CRPPA: variants seen among roughly 807,000 people sequenced by gnomAD.
The protein encoded by CRPPA is D-ribitol-5-phosphate cytidylyltransferase.
In CRPPA, 43 loss-of-function variants were observed where a neutral mutation model predicts 52.0. The observed-to-expected ratio is 0.83, with a 90% CI of 0.65 to 1.07. CRPPA has a LOEUF of 1.07. CRPPA is among the 50% of genes least tolerant of loss of function. The probability of loss-of-function intolerance (pLI) is 0.00; values close to 1 mark genes in which losing one functional copy is unlikely to be tolerated. For synonymous variants in CRPPA, 250 were observed against 203.5 expected, an observed-to-expected ratio of 1.23 and a Z score of -1.94; for missense variants, 629 against 551.7, an observed-to-expected ratio of 1.14 and a Z score of -1.40.
intron 5 of CRPPA, among the ~76,000 whole-genome samples, chr7:16,295,503 G>C (rs1383759272): frequency 2.6e-5 from 4 of 151,948 alleles, no homozygotes; most frequent in Non-Finnish European, 5.9e-5. Flanking sequence ...GTTTGTACAA[G>C]TATAACCAAG....
intron 1 of CRPPA, among the ~76,000 whole-genome samples, chr7:16,418,362 G>C (rs1788244834): frequency 6.6e-6 from 1 of 152,176 alleles, no homozygotes; most frequent in Non-Finnish European, 1.5e-5. Context: ...AAAAGTAGAA[G>C]ACAAACGTTT....
intron 9 of CRPPA, among the ~76,000 whole-genome samples, chr7:16,212,339 CAGT>C (rs1782171955): frequency 6.6e-6 from 1 of 152,094 alleles, no homozygotes; most frequent in Admixed American, 6.6e-5. Context: ...AGTGAAATGA[CAGT>C]TTAGTGGGGA....
At chr7:16,345,785 C>G (rs578020343) in intron 3 of CRPPA, among the ~76,000 whole-genome samples, 3 of 152,218 alleles carry the variant, frequency 2.0e-5, no homozygotes, top group Non-Finnish European at 4.4e-5. Flanking sequence ...GTACAATTAT[C>G]TTTTTATACA....
At chr7:16,339,866 T>G (rs926436528) in intron 3 of CRPPA, among the ~76,000 whole-genome samples, 6 of 151,992 alleles carry the variant, frequency 3.9e-5, no homozygotes, top group Non-Finnish European at 8.8e-5. Context: ...TACTGTAAAG[T>G]TACAAAAATA....
chr7:16,208,502 G>C (rs1192315573), intron 9 of CRPPA, among the ~76,000 whole-genome samples: 12 of 152,048 alleles, frequency 7.9e-5, no homozygotes, highest in Admixed American at 7.9e-4. Flanking sequence ...ACTTCATAAA[G>C]ATCTTCTAAA....
At chr7:16,236,732 A>C (rs549023140) in intron 8 of CRPPA, among the ~76,000 whole-genome samples, 1 of 151,976 alleles carries the variant, frequency 6.6e-6, no homozygotes, top group Non-Finnish European at 1.5e-5. Flanking sequence ...TTCTGTTTTT[A>C]TTTTTCAGAA....
chr7:16,209,326 C>T (rs188952860), intron 9 of CRPPA: 69 of 156,536 alleles, frequency 4.4e-4, no homozygotes, highest in African/African-American at 1.7e-3. Flanking sequence ...GGCTGGAGGG[C>T]AGTGGCAATC....
chr7:16,292,475 G>T (rs530442717), intron 5 of CRPPA, among the ~76,000 whole-genome samples: 3 of 151,988 alleles, frequency 2.0e-5, no homozygotes, highest in African/African-American at 7.2e-5. Context: ...TAGCACAGAG[G>T]GAGGAAGAAT....
intron 6 of CRPPA, among the ~76,000 whole-genome samples, chr7:16,271,187 G>A (rs989501162): frequency 4.6e-5 from 7 of 152,098 alleles, no homozygotes; most frequent in African/African-American, 1.4e-4. Flanking sequence ...TACAGTCCCT[G>A]TTTGTTCAGA....
At chr7:16,389,928 A>AAAAAAAAAAAAAAAAAAAAAT in intron 2 of CRPPA, among the ~76,000 whole-genome samples, 3 of 29,762 alleles carry the variant, frequency 1.0e-4, no homozygotes, top group African/African-American at 3.5e-4. Context: ...AAAAAAAAAA[A>AAAAAAAAAAAAAAAAAAAAAT]ATATATATAT....
intron 9 of CRPPA, among the ~76,000 whole-genome samples, chr7:16,099,345 G>A (rs370746312): frequency 9.7e-5 from 14 of 144,086 alleles, no homozygotes; most frequent in East Asian, 4.3e-4. Context: ...GAAGGGACAG[G>A]AAGGGGAGGG....
At chr7:16,220,882 C>T (rs958278957) in intron 8 of CRPPA, among the ~76,000 whole-genome samples, 3 of 152,100 alleles carry the variant, frequency 2.0e-5, no homozygotes, top group African/African-American at 4.8e-5. Flanking sequence ...AGGTAATTTA[C>T]AGATTCAATG....
chr7:16,284,707 G>A (rs1233507793), intron 5 of CRPPA, among the ~76,000 whole-genome samples: 6 of 152,052 alleles, frequency 3.9e-5, no homozygotes, highest in Non-Finnish European at 5.9e-5. Flanking sequence ...ATGCCCACTC[G>A]TTCTCATTGT....
At chr7:16,166,770 C>T (rs1051930156) in intron 9 of CRPPA, among the ~76,000 whole-genome samples, 50 of 152,134 alleles carry the variant, frequency 3.3e-4, no homozygotes, top group Admixed American at 1.6e-3. Context: ...TTCCACTGCT[C>T]TCAATATGAG....
At chr7:16,227,099 T>C (rs1161686979) in intron 8 of CRPPA, among the ~76,000 whole-genome samples, 4 of 151,944 alleles carry the variant, frequency 2.6e-5, no homozygotes, top group African/African-American at 9.7e-5. Flanking sequence ...CCAAAGAGTA[T>C]TTAATTGTGT....
At chr7:16,286,228 T>G (rs1424655339) in intron 5 of CRPPA, among the ~76,000 whole-genome samples, 2 of 150,300 alleles carry the variant, frequency 1.3e-5, no homozygotes, top group Non-Finnish European at 3.0e-5. Flanking sequence ...ATTAAGTGTT[T>G]CTGAGAAGGT....
At chr7:16,101,375 T>C (rs1299855128) in intron 9 of CRPPA, among the ~76,000 whole-genome samples, 2 of 152,180 alleles carry the variant, frequency 1.3e-5, no homozygotes, top group African/African-American at 4.8e-5. Flanking sequence ...AGTTTAGTCT[T>C]GGGAGAGTGT....
In CRPPA at chr7:16,258,958, T is replaced by C; in HGVS notation, c.988A>G (p.Ile330Val). ...LGHAGRHLQQ[I>V]ILDQCYNFVC... ...AAATTGTAGCATTGATCTAAGATGA[T>C]TTGCTGAAGATGTCTGCCAGCATGA... Residue 330 changes from isoleucine to valine, a missense_variant, in exon 7 of 10, where the codon ATC becomes GTC. Physicochemically the swap from Ile to Val is conservative, Grantham distance 29 (BLOSUM62 3). Coordinates refer to ENST00000407010, the MANE Select transcript of CRPPA (RefSeq NM_001101426.4). 1 of 1,611,336 alleles carries C rather than the reference T, an allele frequency of 6.2e-7. No homozygotes were observed. Among genetic ancestry groups the C allele is most frequent in the Non-Finnish European group, 8.5e-7 (1 of 1,178,452 alleles).
At chr7:16,156,614 A>G (rs1783186267) in intron 9 of CRPPA, among the ~76,000 whole-genome samples, 1 of 152,180 alleles carries the variant, frequency 6.6e-6, no homozygotes, top group African/African-American at 2.4e-5. Flanking sequence ...CTTATAAACA[A>G]ATTTGTAAAA....
Sources: gnomAD v4.1 joint callset for allele counts (sites outside exome capture counted in the v4.1 genomes callset) on GRCh38, gnomAD v4.1.1 for gene constraint, MANE v1.5 for transcripts, NCBI Gene and HGNC (gene_info 2026-07-23, HGNC 2026-07-21) for gene names.